CEP170B: variants seen among roughly 807,000 people sequenced by gnomAD.
CEP170B encodes the protein centrosomal protein 170B, also known as centrosomal protein of 170 kDa protein B.
Under a neutral mutation model 120.6 loss-of-function variants are expected in CEP170B, and 55 were observed. That is an observed-to-expected ratio of 0.46 (90% confidence interval 0.37 to 0.57). The LOEUF is 0.57. CEP170B is among the 20% of genes least tolerant of loss of function. CEP170B has a pLI of 0.00. For synonymous variants in CEP170B, 1,033 were observed against 954.5 expected (o/e 1.08, Z -1.52); for missense variants, 2,212 against 2,253.3 (o/e 0.98, Z 0.37).
chr14:104,885,052 G>C lies in CEP170B; in HGVS notation c.1771-317G>C, dbSNP rs984571953. Among the ~76,000 whole-genome samples, 7 of 150,358 alleles carry C rather than the reference G, an allele frequency of 4.7e-5. No homozygotes were observed. The East Asian group carries it at 1.2e-3, about 25-fold the overall frequency. ...GAGTGAGAGTACTCGTGGGGAACGG[G>C]GGGTGGAGGCGATGCCGGGGGTGGA... On this transcript the variant is annotated intron_variant, in intron 9 of 18. Transcript: ENST00000414716.
chr14:104,885,849 A>G (rs1237086410), intron 10 of CEP170B, among the ~76,000 whole-genome samples, 191 bp from the exon 11 acceptor site: 2 of 152,214 alleles, frequency 1.3e-5, no homozygotes, highest in African/African-American at 4.8e-5. Flanking sequence ...GCGTTGGAGC[A>G]AGTCCAGGCG....
rs748743453 is a variant in CEP170B, at chr14:104,872,143, GC to G, written c.105+3590del. On this transcript the variant is annotated intron_variant, in intron 2 of 18. Transcript: ENST00000414716. ...GTGCGTCGTGTGTGTGCGTGTGTGT[GC>G]CGTGTGTGTGCGTGTGTGCCGCGTG... Among the ~76,000 whole-genome samples the G allele has an allele frequency of 3.4e-3, 516 of 149,860 alleles. 3 individuals carry two copies. The highest frequency in any genetic ancestry group is 0.012 in the African/African-American group (479 of 40,898).
rs529693587 is a variant in CEP170B at position 104,869,377 on chromosome 14, G to A, written c.105+822G>A. Among the ~76,000 whole-genome samples, 33 of 152,274 alleles carry A rather than the reference G, an allele frequency of 2.2e-4. 1 individual carries two copies. The highest frequency in any genetic ancestry group is 7.2e-4 in the Admixed American group (11 of 15,298). Reference sequence around the variant, plus strand: ...AGGGAGCTGCCCTGCCCACTCAGACGTTGCCTCCTGGATGCAACGTGCTAC... The same window carrying A: ...AGGGAGCTGCCCTGCCCACTCAGACATTGCCTCCTGGATGCAACGTGCTAC... On this transcript the variant is annotated intron_variant, in intron 2 of 18. Coordinates refer to ENST00000414716, the MANE Select transcript of CEP170B (RefSeq NM_001112726.3).
rs56688900 is a variant in CEP170B at position 104,870,949 on chromosome 14, C to T, written c.105+2394C>T. ...CTACCTGCCCACCGCTGCCCCCTGC[C>T]GGCCTCTGTCACCCCTCACTCCCTG... On this transcript the variant is annotated intron_variant, in intron 2 of 18. Coordinates refer to ENST00000414716, the MANE Select transcript of CEP170B (RefSeq NM_001112726.3). The surrounding 1 kb of genome is among the most constrained non-coding windows in gnomAD (Gnocchi z 4.1). 0.047 allele frequency among the ~76,000 whole-genome samples: 7,109 copies of T among 152,106 alleles called. 577 individuals carry two copies. Among genetic ancestry groups the T allele is most frequent in the African/African-American group, 0.16 (6,672 of 41,424 alleles).
At chr14:104,877,318 C>A (rs1485692658) in intron 3 of CEP170B, among the ~76,000 whole-genome samples, 1 of 152,204 alleles carries the variant, frequency 6.6e-6, no homozygotes, top group South Asian at 2.1e-4. Flanking sequence ...TTGCATGGCA[C>A]CGTCCCAGTC....
chr14:104,893,387 G>GGGGCAC (rs1293070766), intron 14 of CEP170B, 136 bp from the exon 15 acceptor site: 8 of 1,178,064 alleles, frequency 6.8e-6, no homozygotes, highest in Non-Finnish European at 9.3e-6. Context: ...TGGCGGGGCA[G>GGGGCAC]GGGCACAGGA....
intron 2 of CEP170B, among the ~76,000 whole-genome samples, chr14:104,872,271 TGTGCCGTGTGTGTGCC>T (rs1895550491): frequency 9.7e-6 from 1 of 103,480 alleles, no homozygotes; most frequent in Non-Finnish European, 1.9e-5. Flanking sequence ...TGCGTGTGGG[TGTGCCGTGTGTGTGCC>T]GCGTGTGTGT....
In CEP170B at chr14:104,894,742, C is replaced by G. The variant is rs1897002076; in HGVS notation, c.4449C>G (p.Ser1483Arg). The G allele has an allele frequency of 6.3e-7, 1 of 1,595,302 alleles. No homozygotes were observed. The part of the protein sequence containing the change: ...VINAIVDPSG[S>R]LDLLTGNRSL... ...ATGCCATCGTGGACCCCAGTGGGAGCCTGGACCTGCTCACAGGAAACAGGA... is the reference window on the plus strand; with the variant it reads ...ATGCCATCGTGGACCCCAGTGGGAGGCTGGACCTGCTCACAGGAAACAGGA... The change falls in exon 19 of 19, where the codon AGC becomes AGG. Residue 1483 changes from serine (S) to arginine (R), a missense_variant. Transcript: ENST00000414716.
In CEP170B at chr14:104,884,357, G is replaced by T. The variant is rs1443426978; in HGVS notation, c.1578G>T (p.Leu526=). The change falls in exon 9 of 19, where the codon CTG becomes CTT. Residue 526 remains leucine (L), a synonymous_variant. Coordinates refer to ENST00000414716, the MANE Select transcript of CEP170B (RefSeq NM_001112726.3). ...RPSPEKVPPV[L]PAPLTPHGTS... ...GCCCCGAGAAGGTTCCTCCGGTGCT[G>T]CCCGCTCCCCTGACACCCCATGGGA... 6.5e-7 allele frequency: 1 copy of T among 1,545,406 alleles called. No homozygotes were observed. Among genetic ancestry groups the T allele is most frequent in the African/African-American group, 1.4e-5 (1 of 72,900 alleles).
At chr14:104,880,107 C>G (rs1005462206) in intron 5 of CEP170B, among the ~76,000 whole-genome samples, 180 bp from the exon 6 acceptor site, 4 of 152,138 alleles carry the variant, frequency 2.6e-5, no homozygotes, top group African/African-American at 9.7e-5. Context: ...AGCTGGACCC[C>G]GAGCCGTGTT....
In CEP170B at chr14:104,868,631, C is replaced by A. The variant is rs1382947874; in HGVS notation, c.105+76C>A. 1.3e-5 allele frequency: 18 copies of A among 1,375,394 alleles called. No individual in the cohort carries two copies. The highest frequency in any genetic ancestry group is 2.9e-5 in the African/African-American group (2 of 69,486). The allele number at this position is 1,375,394 out of a possible 1,614,324, so 85.2% of individuals were successfully genotyped here. A position where few individuals can be genotyped will look rare whatever the true frequency, so the allele number is the denominator to read the frequency against. On this transcript the variant is annotated intron_variant, in intron 2 of 18. Transcript: ENST00000414716. The surrounding 1 kb of genome is among the most constrained non-coding windows in gnomAD (Gnocchi z 5.9). Reference sequence around the variant, plus strand: ...CCTGTGGAGGCCAGGAAGGTGCCCACCCCACTTGCTGCAGGCCACCCTGGC... The same window carrying A: ...CCTGTGGAGGCCAGGAAGGTGCCCAACCCACTTGCTGCAGGCCACCCTGGC...
intron 4 of CEP170B, among the ~76,000 whole-genome samples, chr14:104,878,224 T>C (rs1219928957): frequency 6.6e-6 from 1 of 151,966 alleles, no homozygotes; most frequent in Admixed American, 6.5e-5. Flanking sequence ...ACATGGGGCC[T>C]GGGGAACTGG....
rs1183380744 is a variant in CEP170B at position 104,896,243 on chromosome 14, G to C, written c.*1285G>C. On this transcript the variant is annotated 3_prime_UTR_variant, in exon 19 of 19. Coordinates refer to ENST00000414716, the MANE Select transcript of CEP170B (RefSeq NM_001112726.3). ...TGGAAGCGGGTGGTGTGTGTCCCCT[G>C]TTTACTTTTAGCTGAGCTGGGGTTG... 7.6e-6 allele frequency: 2 copies of C among 261,510 alleles called. No homozygotes were observed. Among genetic ancestry groups the C allele is most frequent in the Non-Finnish European group, 1.5e-5 (2 of 129,622 alleles). The allele number at this position is 261,510 out of a possible 1,614,324, so 16.2% of individuals were successfully genotyped here. A position where few individuals can be genotyped will look rare whatever the true frequency, so the allele number is the denominator to read the frequency against.
upstream of CEP170B, among the ~76,000 whole-genome samples, chr14:104,865,026 C>T (rs888108382): frequency 6.6e-6 from 1 of 151,090 alleles, no homozygotes. The surrounding 1 kb of genome is among the most constrained non-coding windows in gnomAD (Gnocchi z 6.7). Flanking sequence ...GCCGGGGAGG[C>T]CAGCGGGGCC....
rs376531928 is a variant in CEP170B, at chr14:104,872,559, T to TC, written c.106-3697_106-3696insC. On this transcript the variant is annotated intron_variant, in intron 2 of 18. Coordinates refer to ENST00000414716, the MANE Select transcript of CEP170B (RefSeq NM_001112726.3). ...GTCTGTAGGTGCACACATCTGTGTG[T>TC]GTTGTGTGCATGTGTGTGCTGCATG... Among the ~76,000 whole-genome samples, 498 of 151,886 alleles carry TC rather than the reference T, an allele frequency of 3.3e-3. 4 individuals are homozygous for TC. Among genetic ancestry groups the TC allele is most frequent in the African/African-American group, 0.011 (466 of 41,376 alleles).
intron 9 of CEP170B, 134 bp from the exon 10 acceptor site, chr14:104,885,235 A>G (rs1231829766): frequency 1.4e-5 from 13 of 946,582 alleles, no homozygotes; most frequent in Non-Finnish European, 2.0e-5. Context: ...GCCAGGCTGC[A>G]TGTCCCGGCC....
Position 104,886,822 on chromosome 14 carries a change from A to T in CEP170B, c.2583A>T (p.Pro861=). The T allele has an allele frequency of 6.2e-7, 1 of 1,611,340 alleles. No homozygotes were observed. The highest frequency in any genetic ancestry group is 8.5e-7 in the Non-Finnish European group (1 of 1,179,802). The part of the protein sequence containing the change: ...GRSPEPDGPA[P]AFLRQESFTK... ...CCCCAGAACCCGACGGCCCTGCCCC[A>T]GCCTTTCTCCGGCAAGAGAGCTTCA... is the stretch of plus-strand genomic sequence containing the variant. Residue 861 remains proline (P), a synonymous_variant, in exon 12 of 19, where the codon CCA becomes CCT. Transcript: ENST00000414716.
At chr14:104,876,402 CCCTCCCTCTCAGTTCTGGCT>C in intron 3 of CEP170B, 57 bp downstream of exon 3, 1 of 1,497,618 alleles carries the variant, frequency 6.7e-7, no homozygotes, top group Non-Finnish European at 9.1e-7. Context: ...CAGCCCTGGC[CCCTCCCTCTCAGTTCTGGCT>C]CCTCCCCCAG....
chr14:104,890,433 AGTGGG>A (rs1896767923), intron 13 of CEP170B, among the ~76,000 whole-genome samples: 5 of 54,662 alleles, frequency 9.1e-5, no homozygotes, highest in African/African-American at 4.2e-4. Flanking sequence ...TGGATGAGTG[AGTGGG>A]TGGATGGGTG....
Sources: allele counts gnomAD v4.1 joint callset (sites outside exome capture counted in the v4.1 genomes callset), GRCh38; gene constraint gnomAD v4.1.1; non-coding constraint Gnocchi (gnomAD v3.1); transcripts MANE v1.5; gene names NCBI Gene and HGNC (gene_info 2026-07-23, HGNC 2026-07-21).